The following HIP1 variants were observed in gnomAD, a reference collection of about 807,000 sequenced individuals.
The protein encoded by HIP1 is huntingtin-interacting protein 1.
Under a neutral mutation model 147.6 loss-of-function variants are expected in HIP1, and 65 were observed. That is an observed-to-expected ratio of 0.44 (90% CI 0.36 to 0.54). The LOEUF (loss-of-function observed/expected upper bound fraction) is 0.54. HIP1 is among the 20% of genes least tolerant of loss of function. The pLI is 0.00. For synonymous variants in HIP1, 479 were observed against 504.0 expected, an observed-to-expected ratio of 0.95 and a Z score of 0.67; for missense variants, 1,061 against 1,299.6, an observed-to-expected ratio of 0.82 and a Z score of 2.82.
intron 1 of HIP1, among the ~76,000 whole-genome samples, chr7:75,715,799 A>AAAC: frequency 6.7e-6 from 1 of 148,650 alleles, no homozygotes; most frequent in Admixed American, 6.9e-5. Flanking sequence ...AAAAAAAAAA[A>AAAC]GATGTCTATC....
At chr7:75,718,210 C>G (rs1801381972) in intron 1 of HIP1, among the ~76,000 whole-genome samples, 1 of 151,688 alleles carries the variant, frequency 6.6e-6, no homozygotes, top group Non-Finnish European at 1.5e-5. Context: ...AATAAATTAG[C>G]TTAGCATGGT....
intron 1 of HIP1, among the ~76,000 whole-genome samples, chr7:75,610,974 T>G (rs1299487992): frequency 6.6e-6 from 1 of 150,966 alleles, no homozygotes; most frequent in Non-Finnish European, 1.5e-5. Flanking sequence ...GGTGTGAGCT[T>G]GGCTCACTGC....
Position 75,611,429 on chromosome 7 carries a change from T to G in HIP1, c.121-12182A>C, listed in dbSNP as rs368878823. ...CTGCAGTGAGCTGAGATGGTGCCAC[T>G]GCACTCCAGCCTGGGTGACAGAGTG... On this transcript the variant is annotated intron_variant, in intron 1 of 30. Transcript: ENST00000336926. Among the ~76,000 whole-genome samples the G allele has an allele frequency of 7.7e-5, 11 of 142,130 alleles. No individual in the cohort carries two copies. The East Asian group carries it at 2.3e-3, about 30-fold the overall frequency. The allele number at this position is 142,130 out of a possible 152,430, so 93.2% of individuals were successfully genotyped here.
chr7:75,601,227 A>G (rs1334003589), intron 1 of HIP1, among the ~76,000 whole-genome samples: 3 of 152,140 alleles, frequency 2.0e-5, no homozygotes, highest in Admixed American at 6.6e-5. Flanking sequence ...GGTTGATGGT[A>G]TAGACCCACG....
intron 1 of HIP1, among the ~76,000 whole-genome samples, chr7:75,688,237 T>C (rs1385213467): frequency 6.6e-6 from 1 of 152,080 alleles, no homozygotes; most frequent in Non-Finnish European, 1.5e-5. Context: ...GGGACCGCCC[T>C]TGTGAAGCCA....
rs1796304846 is a variant in HIP1, at chr7:75,586,814, T to C, written c.404A>G (p.Tyr135Cys). ...SRMWGHLSEGYGQLCSIYLKL... is the reference protein window; with the variant it reads ...SRMWGHLSEGCGQLCSIYLKL... ...CAGGTAGATGCTGCACAGCTGGCCA[T>C]ACCCCTCGCTCAGGTGGCCCTTTTA... The change falls in exon 5 of 31, where the codon TAT (tyrosine) becomes TGT (cysteine). Residue 135 changes from tyrosine to cysteine, a missense_variant. By Grantham distance (194) the Tyr-to-Cys change is radical. Coordinates refer to ENST00000336926, the MANE Select transcript of HIP1 (RefSeq NM_005338.7). 6.2e-7 allele frequency: 1 copy of C among 1,611,082 alleles called. No homozygotes were observed. The highest frequency in any genetic ancestry group is 8.5e-7 in the Non-Finnish European group (1 of 1,177,406).
rs151081703 is a variant in HIP1, at chr7:75,692,878, G to A, written c.120+45923C>T. On this transcript the variant is annotated intron_variant, in intron 1 of 30. Transcript: ENST00000336926. The stretch of plus-strand genomic sequence containing the variant: ...AAATAATCAGTGTATAAATTATGAC[G>A]ATGCAGCCGGGCATGGTGTCTTATG... 1.1e-4 allele frequency among the ~76,000 whole-genome samples: 17 copies of A among 151,814 alleles called. No individual in the cohort carries two copies. In the East Asian group the frequency reaches 2.1e-3, roughly 19 times the overall value.
intron 7 of HIP1, among the ~76,000 whole-genome samples, chr7:75,577,495 T>C (rs587621097): frequency 5.3e-5 from 8 of 152,288 alleles, no homozygotes; most frequent in African/African-American, 1.2e-4. Context: ...CTATAACTCC[T>C]GGATTCAAGC....
intron 1 of HIP1, among the ~76,000 whole-genome samples, chr7:75,684,104 G>A (rs1257494726): frequency 6.6e-6 from 1 of 151,464 alleles, no homozygotes; most frequent in Non-Finnish European, 1.5e-5. Flanking sequence ...AGGAGTTCAA[G>A]ACCAGCCTGA....
At chr7:75,735,210 C>A (rs1009386798) in intron 1 of HIP1, among the ~76,000 whole-genome samples, 4 of 152,200 alleles carry the variant, frequency 2.6e-5, no homozygotes, top group Non-Finnish European at 4.4e-5. Flanking sequence ...CATGTACATG[C>A]CCAGCTGTAA....
rs1554500911 is a variant in HIP1 at position 75,592,123 on chromosome 7, A to C, written c.328-11T>G. ...AGAGTCCTTCAGGACCTGCAGGGGC[A>C]AAAGAACAGCCTGTGAGAGAATGGA... is the stretch of plus-strand genomic sequence containing the variant. On this transcript the variant is annotated splice_polypyrimidine_tract_variant and intron_variant, in intron 3 of 30. Transcript: ENST00000336926. 4.3e-6 allele frequency: 7 copies of C among 1,611,072 alleles called. No individual in the cohort carries two copies. The highest frequency in any genetic ancestry group is 5.9e-6 in the Non-Finnish European group (7 of 1,177,266).
At chr7:75,644,883 C>T (rs1563266160) in intron 1 of HIP1, among the ~76,000 whole-genome samples, 1 of 152,170 alleles carries the variant, frequency 6.6e-6, no homozygotes, top group Admixed American at 6.5e-5. Flanking sequence ...GCATTCTCAC[C>T]GGGCTTGCCT....
chr7:75,643,950 A>C lies in HIP1; in HGVS notation c.121-44703T>G, dbSNP rs1563265751. ...GGGAGGCGGAGGTTGCAGTGAGCCA[A>C]GATCCCGCTGCTGCACTCCAGCCTG... On this transcript the variant is annotated intron_variant, in intron 1 of 30. Transcript: ENST00000336926. Among the ~76,000 whole-genome samples, 4 of 152,198 alleles carry C rather than the reference A, an allele frequency of 2.6e-5. No homozygotes were observed. In the East Asian group the frequency reaches 7.7e-4, roughly 29 times the overall value.
At chr7:75,615,214 C>A (rs1363600652) in intron 1 of HIP1, among the ~76,000 whole-genome samples, 1 of 152,100 alleles carries the variant, frequency 6.6e-6, no homozygotes, top group Non-Finnish European at 1.5e-5. Flanking sequence ...CTGCCAGGAT[C>A]CAGGGCACCA....
intron 1 of HIP1, among the ~76,000 whole-genome samples, chr7:75,717,270 C>T (rs1415836302): frequency 6.6e-6 from 1 of 152,032 alleles, no homozygotes; most frequent in African/African-American, 2.4e-5. Flanking sequence ...TACACAAAAA[C>T]CCAACCAAAC....
Position 75,668,699 on chromosome 7 carries a change from G to A in HIP1, c.121-69452C>T, listed in dbSNP as rs1312390221. ...CCAATGATAGCACCATCAGCTCACC[G>A]CTGGACCAACTGCAGCATCTGCAAC... On this transcript the variant is annotated intron_variant, in intron 1 of 30. Transcript: ENST00000336926. Among the ~76,000 whole-genome samples the A allele has an allele frequency of 2.0e-5, 3 of 152,260 alleles. No homozygotes were observed. In the East Asian group the frequency reaches 5.8e-4, roughly 29 times the overall value.
rs548686573 is a variant in HIP1 at position 75,665,171 on chromosome 7, A to G, written c.121-65924T>C. Among the ~76,000 whole-genome samples, 4 of 152,162 alleles carry G rather than the reference A, an allele frequency of 2.6e-5. No individual in the cohort carries two copies. The East Asian group carries it at 5.8e-4, about 22-fold the overall frequency. On this transcript the variant is annotated intron_variant, in intron 1 of 30. Coordinates refer to ENST00000336926, the MANE Select transcript of HIP1 (RefSeq NM_005338.7). The stretch of plus-strand genomic sequence containing the variant: ...CAGCTAGTCAGGGGGTTGAGGGAGG[A>G]GGATTGTTTGAGGCCAGGAGTTGGA...
intron 1 of HIP1, among the ~76,000 whole-genome samples, chr7:75,667,533 T>C (rs536852639): frequency 6.6e-6 from 1 of 152,348 alleles, no homozygotes; most frequent in South Asian, 2.1e-4. Flanking sequence ...TCACCCAGGC[T>C]GGAGGGCACT....
chr7:75,733,208 G>A (rs1322698399), intron 1 of HIP1, among the ~76,000 whole-genome samples: 1 of 152,068 alleles, frequency 6.6e-6, no homozygotes, highest in South Asian at 2.1e-4. Context: ...TGGAGTCCTG[G>A]TTTTGAATCC....
Sources: allele counts gnomAD v4.1 joint callset (sites outside exome capture counted in the v4.1 genomes callset), GRCh38; gene constraint gnomAD v4.1.1; transcripts MANE v1.5; gene names NCBI Gene and HGNC (gene_info 2026-07-23, HGNC 2026-07-21).